Variants in TOX observed in about 807,000 individuals in gnomAD.
The protein encoded by TOX is thymocyte selection-associated high mobility group box protein TOX.
In TOX, 11 loss-of-function variants were observed where a neutral mutation model predicts 53.7. That is an observed-to-expected ratio of 0.20 (90% confidence interval 0.13 to 0.34). TOX has a LOEUF of 0.34. TOX is among the 10% of genes least tolerant of loss of function. TOX has a pLI of 1.00. For missense variants in TOX, 570 were observed against 664.6 expected, an observed-to-expected ratio of 0.86 and a Z score of 1.56; for synonymous variants, 225 against 245.3, an observed-to-expected ratio of 0.92 and a Z score of 0.77.
chr8:58,873,958 C>CTCTTTTTT (rs1491588338), intron 3 of TOX, among the ~76,000 whole-genome samples: 1 of 40,128 alleles, frequency 2.5e-5, no homozygotes, highest in African/African-American at 1.7e-4. Flanking sequence ...TGCCAGGAAG[C>CTCTTTTTT]TTTTTTTTTT....
intron 1 of TOX, among the ~76,000 whole-genome samples, chr8:59,115,761 A>T (rs1805089257): frequency 6.6e-6 from 1 of 152,184 alleles, no homozygotes; most frequent in African/African-American, 2.4e-5. Flanking sequence ...CTGTTTGTGT[A>T]AGAGATGCCT....
chr8:58,952,490 T>C (rs1041676626), intron 2 of TOX, among the ~76,000 whole-genome samples: 1 of 152,084 alleles, frequency 6.6e-6, no homozygotes, highest in Non-Finnish European at 1.5e-5. Context: ...AAGAAGAAAA[T>C]AGTTCAAAAT....
At chr8:59,028,876 A>C (rs1814295693) in intron 1 of TOX, among the ~76,000 whole-genome samples, 1 of 152,150 alleles carries the variant, frequency 6.6e-6, no homozygotes, top group Non-Finnish European at 1.5e-5. Context: ...GTAGCTGTAA[A>C]ATATTTTTTC....
At position 58,856,055 on chromosome 8, in the gene TOX, T is replaced by C. The variant is rs1032094267; in HGVS notation, c.412-4250A>G. 3.3e-5 allele frequency among the ~76,000 whole-genome samples: 5 copies of C among 152,218 alleles called. No individual in the cohort carries two copies. The East Asian group carries it at 5.8e-4, about 18-fold the overall frequency. On this transcript the variant is annotated intron_variant, in intron 3 of 8. Transcript: ENST00000361421. ...AAAAGCCCACAGAGAGGTTAAATGA[T>C]CTCAGATCTTTCTATCAACAAAGAC...
chr8:58,812,691 C>A (rs1810103883), intron 7 of TOX, among the ~76,000 whole-genome samples: 1 of 152,194 alleles, frequency 6.6e-6, no homozygotes. Context: ...TGCCATCCCT[C>A]CCCTGCCAAC....
At chr8:59,022,083 A>C (rs1424540640) in intron 1 of TOX, among the ~76,000 whole-genome samples, 1 of 152,156 alleles carries the variant, frequency 6.6e-6, no homozygotes, top group African/African-American at 2.4e-5. Flanking sequence ...TTAATTAGGA[A>C]ATTTAAGTTG....
chr8:58,973,824 G>A (rs534422308), intron 1 of TOX, among the ~76,000 whole-genome samples: 1 of 151,564 alleles, frequency 6.6e-6, no homozygotes, highest in African/African-American at 2.4e-5. Context: ...TTGAAATGGA[G>A]TCTCACTCTG....
intron 1 of TOX, among the ~76,000 whole-genome samples, chr8:59,058,258 G>C (rs1803917331): frequency 6.6e-6 from 1 of 152,210 alleles, no homozygotes; most frequent in South Asian, 2.1e-4. Flanking sequence ...GGATTGATCA[G>C]TGGTGGCTTT....
chr8:59,088,085 C>T (rs956555003), intron 1 of TOX, among the ~76,000 whole-genome samples: 4 of 152,052 alleles, frequency 2.6e-5, no homozygotes, highest in Non-Finnish European at 5.9e-5. Context: ...TAAAAAAACA[C>T]ATTTTTGGCA....
chr8:58,839,941 C>G (rs921793600), intron 4 of TOX, among the ~76,000 whole-genome samples: 1 of 152,134 alleles, frequency 6.6e-6, no homozygotes, highest in African/African-American at 2.4e-5. Flanking sequence ...TTTCTCCGGG[C>G]CTCTGTTTCC....
At chr8:59,049,432 A>T (rs1393989376) in intron 1 of TOX, among the ~76,000 whole-genome samples, 2 of 152,244 alleles carry the variant, frequency 1.3e-5, no homozygotes, top group Non-Finnish European at 2.9e-5. Context: ...GAAAAGATCT[A>T]GAACTTCAAT....
At chr8:58,855,000 GCT>G (rs1810890555) in intron 3 of TOX, among the ~76,000 whole-genome samples, 1 of 152,102 alleles carries the variant, frequency 6.6e-6, no homozygotes, top group African/African-American at 2.4e-5. Context: ...ATTGACTACA[GCT>G]CTGTCATGTC....
Position 58,807,514 on chromosome 8 carries a change from G to A in TOX, c.*233C>T, listed in dbSNP as rs932720927. The A allele has an allele frequency of 1.1e-5, 5 of 465,020 alleles. No individual in the cohort carries two copies. The highest frequency in any genetic ancestry group is 3.9e-5 in the African/African-American group (2 of 51,554). The allele number at this position is 465,020 out of a possible 1,614,324, so 28.8% of individuals were successfully genotyped here. A position where few individuals can be genotyped will look rare whatever the true frequency, so the allele number is the denominator to read the frequency against. ...CAAAAAACCAACATAAAATCTGAAT[G>A]GTCCAAATTTCCTTCAGGGAAGAAG... On this transcript the variant is annotated 3_prime_UTR_variant, in exon 9 of 9. Transcript: ENST00000361421.
intron 3 of TOX, among the ~76,000 whole-genome samples, chr8:58,892,388 C>T (rs1184265052): frequency 2.0e-5 from 3 of 152,058 alleles, no homozygotes; most frequent in Non-Finnish European, 4.4e-5. Flanking sequence ...TTCCTGGTGG[C>T]TTTAGTCAGT....
At chr8:58,892,837 C>CA (rs1811579247) in intron 3 of TOX, among the ~76,000 whole-genome samples, 1 of 152,172 alleles carries the variant, frequency 6.6e-6, no homozygotes, top group Non-Finnish European at 1.5e-5. Context: ...CCTGCTCCCC[C>CA]AATTTACTTA....
At position 58,958,938 on chromosome 8, in the gene TOX, C is replaced by A. The variant is rs191246539; in HGVS notation, c.168+1005G>T. 1.2e-4 allele frequency among the ~76,000 whole-genome samples: 19 copies of A among 152,282 alleles called. No homozygotes were observed. In the South Asian group the frequency reaches 3.5e-3, roughly 28 times the overall value. Reference sequence around the variant, plus strand: ...TACATTAGATTTAATTCACTGACAACCTTAATGAAGAAAAAGAAGTTTTAT... The same window carrying A: ...TACATTAGATTTAATTCACTGACAAACTTAATGAAGAAAAAGAAGTTTTAT... On this transcript the variant is annotated intron_variant, in intron 2 of 8. Transcript: ENST00000361421.
intron 6 of TOX, among the ~76,000 whole-genome samples, chr8:58,816,027 T>TGG (rs1810171520): frequency 6.6e-6 from 1 of 151,866 alleles, no homozygotes; most frequent in South Asian, 2.1e-4. Context: ...TTGTGGAGGG[T>TGG]GGGGGACGGG....
At chr8:58,869,170 T>G (rs140318938) in intron 3 of TOX, among the ~76,000 whole-genome samples, 1 of 140,498 alleles carries the variant, frequency 7.1e-6, no homozygotes, top group Non-Finnish European at 1.5e-5. Flanking sequence ...GAGGTTGCAG[T>G]GAGCTGAGAT....
intron 1 of TOX, among the ~76,000 whole-genome samples, chr8:59,011,010 C>G (rs1254261040): frequency 2.6e-5 from 4 of 152,158 alleles, no homozygotes; most frequent in African/African-American, 9.7e-5. Context: ...AAGTCAGCAC[C>G]TCTGGGAAAA....
Sources: allele counts gnomAD v4.1 joint callset (sites outside exome capture counted in the v4.1 genomes callset), GRCh38; gene constraint gnomAD v4.1.1; transcripts MANE v1.5; gene names NCBI Gene and HGNC (gene_info 2026-07-23, HGNC 2026-07-21).